PDE7B: variants seen among roughly 807,000 people sequenced by gnomAD.
The protein encoded by PDE7B is phosphodiesterase 7B.
A neutral mutation model predicts 56.2 loss-of-function variants in PDE7B; 29 were observed. The ratio of observed to expected loss-of-function variants is 0.52; its 90% CI spans 0.38 to 0.70. PDE7B has a LOEUF of 0.70. PDE7B is among the 30% of genes least tolerant of loss of function. PDE7B has a pLI of 0.00. For missense variants in PDE7B, 490 were observed against 565.0 expected, an observed-to-expected ratio of 0.87 and a Z score of 1.35; for synonymous variants, 197 against 196.9, an observed-to-expected ratio of 1.00 and a Z score of 0.00.
intron 1 of PDE7B, among the ~76,000 whole-genome samples, chr6:135,916,615 T>C (rs975363176): frequency 1.3e-5 from 2 of 151,804 alleles, no homozygotes; most frequent in Non-Finnish European, 2.9e-5. Context: ...ATGGTCTCGA[T>C]CTCTTGATCC....
At chr6:136,119,319 G>T (rs761605469) in intron 3 of PDE7B, among the ~76,000 whole-genome samples, 3 of 152,030 alleles carry the variant, frequency 2.0e-5, no homozygotes, top group African/African-American at 7.3e-5. Context: ...GATGATTATT[G>T]TTCTTCTGGT....
chr6:136,158,460 C>T (rs906728070), intron 8 of PDE7B, among the ~76,000 whole-genome samples: 15 of 152,266 alleles, frequency 9.9e-5, no homozygotes, highest in East Asian at 1.9e-4. Flanking sequence ...ACACCCTGTG[C>T]GTGACTTTGC....
intron 3 of PDE7B, among the ~76,000 whole-genome samples, chr6:136,145,623 C>A (rs934382875): frequency 6.6e-6 from 1 of 152,108 alleles, no homozygotes; most frequent in South Asian, 2.1e-4. Context: ...CTTCATGGTA[C>A]CTGACCCATT....
chr6:135,899,397 T>C (rs1775959800), intron 1 of PDE7B, among the ~76,000 whole-genome samples: 1 of 150,924 alleles, frequency 6.6e-6, no homozygotes, highest in Admixed American at 6.6e-5. Context: ...CAAGGTTATA[T>C]ATGTCTATAT....
chr6:135,970,554 C>T (rs1357218832), intron 2 of PDE7B, among the ~76,000 whole-genome samples: 3 of 152,132 alleles, frequency 2.0e-5, no homozygotes, highest in Non-Finnish European at 4.4e-5. Context: ...AAGATTAGGT[C>T]TATTTAACAA....
chr6:136,007,544 T>A (rs753209542), intron 2 of PDE7B, among the ~76,000 whole-genome samples: 9 of 152,086 alleles, frequency 5.9e-5, no homozygotes, highest in African/African-American at 9.7e-5. Flanking sequence ...CTAATCTTAG[T>A]TCCCCTTTGT....
At chr6:136,142,637 G>A (rs2128446138) in intron 3 of PDE7B, among the ~76,000 whole-genome samples, 2 of 152,286 alleles carry the variant, frequency 1.3e-5, no homozygotes, top group South Asian at 4.1e-4. Context: ...GGGTGCTCCT[G>A]TATTGGGTGC....
chr6:136,129,887 C>T (rs139104945), intron 3 of PDE7B, among the ~76,000 whole-genome samples: 5 of 152,318 alleles, frequency 3.3e-5, no homozygotes, highest in African/African-American at 1.2e-4. Context: ...CAAGAGAAAC[C>T]TCAGTGCCAA....
At position 135,894,641 on chromosome 6, in the gene PDE7B, A is replaced by G. The variant is rs1219442546; in HGVS notation, c.21+42622A>G. On this transcript the variant is annotated intron_variant, in intron 1 of 12. Coordinates refer to ENST00000308191, the MANE Select transcript of PDE7B (RefSeq NM_018945.4). The stretch of plus-strand genomic sequence containing the variant: ...ATCCAAGGCACACATGCCAAATTGC[A>G]TTATTCCAATGAGCTCTGCACAATT... 2.0e-5 allele frequency among the ~76,000 whole-genome samples: 3 copies of G among 152,262 alleles called. No homozygotes were observed. The East Asian group carries it at 5.8e-4, about 29-fold the overall frequency.
chr6:135,958,936 T>C (rs192917084), intron 2 of PDE7B, among the ~76,000 whole-genome samples: 5 of 152,326 alleles, frequency 3.3e-5, no homozygotes, highest in Non-Finnish European at 1.5e-5. Context: ...TCTAAGGATA[T>C]TTACAAATGA....
At chr6:135,900,615 C>T (rs1430802440) in intron 1 of PDE7B, among the ~76,000 whole-genome samples, 1 of 151,980 alleles carries the variant, frequency 6.6e-6, no homozygotes, top group African/African-American at 2.4e-5. Flanking sequence ...GCTCCTGTGT[C>T]ATGAAAGGCA....
chr6:136,191,863 G>T lies in PDE7B; in HGVS notation c.*23G>T. The T allele has an allele frequency of 6.5e-7, 1 of 1,527,754 alleles. No individual in the cohort carries two copies. Among genetic ancestry groups the T allele is most frequent in the African/African-American group, 1.4e-5 (1 of 72,666 alleles). The allele number at this position is 1,527,754 out of a possible 1,614,324, so 94.6% of individuals were successfully genotyped here. On this transcript the variant is annotated 3_prime_UTR_variant, in exon 13 of 13. Transcript: ENST00000308191. ...TAGGGGCCGGCCCAACTTAGACGCG[G>T]CTCTCCTCCGGCAGGGCCCCCAGAG...
At chr6:136,106,316 C>T (rs1313514513) in intron 2 of PDE7B, among the ~76,000 whole-genome samples, 1 of 152,172 alleles carries the variant, frequency 6.6e-6, no homozygotes, top group Non-Finnish European at 1.5e-5. Context: ...ATTAAAACTA[C>T]AACTACTTTT....
intron 2 of PDE7B, among the ~76,000 whole-genome samples, chr6:136,076,738 A>G (rs1777134034): frequency 6.6e-6 from 1 of 152,074 alleles, no homozygotes; most frequent in African/African-American, 2.4e-5. Context: ...TCTGAACTTA[A>G]TAATGCACTC....
intron 3 of PDE7B, among the ~76,000 whole-genome samples, chr6:136,141,996 GC>G (rs1176869289): frequency 6.6e-6 from 1 of 152,042 alleles, no homozygotes; most frequent in African/African-American, 2.4e-5. Flanking sequence ...CCTTCTGCTA[GC>G]TTTTGCGTGT....
intron 2 of PDE7B, among the ~76,000 whole-genome samples, chr6:136,057,517 T>G (rs1329177757): frequency 1.3e-5 from 2 of 152,212 alleles, no homozygotes; most frequent in Non-Finnish European, 2.9e-5. Context: ...AATTTGGTTG[T>G]GTCAAATTAC....
intron 2 of PDE7B, among the ~76,000 whole-genome samples, chr6:136,062,943 T>C (rs1056870593): frequency 1.3e-5 from 2 of 152,198 alleles, no homozygotes; most frequent in Non-Finnish European, 2.9e-5. Flanking sequence ...CTGTTAACAC[T>C]GACCCATGTT....
intron 2 of PDE7B, among the ~76,000 whole-genome samples, chr6:136,018,086 C>G (rs1776008695): frequency 6.6e-6 from 1 of 152,146 alleles, no homozygotes; most frequent in African/African-American, 2.4e-5. Context: ...TTTAAAAAGT[C>G]ATAGCTGTCT....
At chr6:135,877,845 C>T (rs1427618028) in intron 1 of PDE7B, among the ~76,000 whole-genome samples, 1 of 151,682 alleles carries the variant, frequency 6.6e-6, no homozygotes, top group Non-Finnish European at 1.5e-5. Context: ...AAGTGGGAAA[C>T]GGGAAAGAGT....
Sources: gnomAD v4.1 joint callset for allele counts (sites outside exome capture counted in the v4.1 genomes callset) on GRCh38, gnomAD v4.1.1 for gene constraint, MANE v1.5 for transcripts, NCBI Gene and HGNC (gene_info 2026-07-23, HGNC 2026-07-21) for gene names.